BAZ2B: variants seen among roughly 807,000 people sequenced by gnomAD.
BAZ2B encodes bromodomain adjacent to zinc finger domain protein 2B.
Under a neutral mutation model 246.0 loss-of-function variants are expected in BAZ2B, and 91 were observed. That is an observed-to-expected ratio of 0.37 (90% confidence interval 0.31 to 0.44). The LOEUF is 0.44. Ranked by LOEUF, BAZ2B falls within the 20% of genes least tolerant of loss-of-function variation. The pLI, the probability that BAZ2B is intolerant of heterozygous loss-of-function variation, is 1.00. For missense variants in BAZ2B, 2,332 were observed against 2,533.7 expected (o/e 0.92, Z 1.71); for synonymous variants, 855 against 860.0 (o/e 0.99, Z 0.10).
chr2:159,337,887 A>G, intron 31 of BAZ2B, 115 bp from the exon 32 acceptor site: 6 of 1,011,886 alleles, frequency 5.9e-6, no homozygotes, highest in Non-Finnish European at 8.4e-6. Context: ...ATTGTTACTA[A>G]AAGATTTTAC....
chr2:159,324,412 C>G (rs1156930306), intron 36 of BAZ2B, among the ~76,000 whole-genome samples: 1 of 152,016 alleles, frequency 6.6e-6, no homozygotes, highest in Non-Finnish European at 1.5e-5. Flanking sequence ...TTTGTTAAAT[C>G]CATATGACGT....
At chr2:159,676,647 G>A in the BAZ2B span, among the ~76,000 whole-genome samples, 9 of 132,636 alleles carry the variant, frequency 6.8e-5, no homozygotes, top group South Asian at 2.6e-4. Context: ...GTATCTAAAT[G>A]CACACACACA....
At chr2:159,654,638 T>C in the BAZ2B span, among the ~76,000 whole-genome samples, 8 of 151,878 alleles carry the variant, frequency 5.3e-5, no homozygotes, top group Non-Finnish European at 1.2e-4. Context: ...ACTTACTAAG[T>C]ATGTAGGAAA....
intron 24 of BAZ2B, 143 bp from the exon 25 acceptor site, chr2:159,382,945 A>G (rs1182914619): frequency 8.7e-7 from 1 of 1,152,150 alleles, no homozygotes. Context: ...AAAAAATTAG[A>G]ATTAGGAAAC....
At chr2:159,424,796 G>C in intron 13 of BAZ2B, among the ~76,000 whole-genome samples, 1 of 152,090 alleles carries the variant, frequency 6.6e-6, no homozygotes, top group East Asian at 1.9e-4. Context: ...ATCATCACCA[G>C]ATTACTTATA....
the BAZ2B span, among the ~76,000 whole-genome samples, chr2:159,630,594 C>T: frequency 6.6e-5 from 10 of 150,408 alleles, no homozygotes; most frequent in Admixed American, 1.3e-4. Context: ...AGTGCAGTGG[C>T]GCAATCTCGG....
chr2:159,385,310 G>A lies in BAZ2B; in HGVS notation c.3531C>T (p.Ser1177=), dbSNP rs1181439698. ...CTTCCATAAATATCTGTAAAATCTCGGAAACATTGTCTCGATTCACACCAA... is the reference window on the plus strand; with the variant it reads ...CTTCCATAAATATCTGTAAAATCTCAGAAACATTGTCTCGATTCACACCAA... ...LNVGVNRDNV[S]EILQIFMEAH... Residue 1177 remains serine (S), a synonymous_variant, in exon 23 of 37, where the codon TCC becomes TCT. Transcript: ENST00000392783. The A allele has an allele frequency of 5.0e-6, 8 of 1,613,104 alleles. No homozygotes were observed. Among genetic ancestry groups the A allele is most frequent in the East Asian group, 2.2e-5 (1 of 44,856 alleles).
At chr2:159,501,156 A>AT (rs1559628801) in intron 2 of BAZ2B, among the ~76,000 whole-genome samples, 73 of 31,582 alleles carry the variant, frequency 2.3e-3, no homozygotes, top group Admixed American at 4.9e-3. Flanking sequence ...TATAATATAT[A>AT]TAAATATATA....
intron 2 of BAZ2B, among the ~76,000 whole-genome samples, chr2:159,549,774 T>TA (rs201877310): frequency 0.013 from 1,758 of 132,722 alleles, 34 homozygotes; most frequent in Middle Eastern, 0.051. Flanking sequence ...GTGAGATGTT[T>TA]AAAAAAAAAA....
At chr2:159,353,014 T>C (rs2058720588) in intron 27 of BAZ2B, among the ~76,000 whole-genome samples, 1 of 152,218 alleles carries the variant, frequency 6.6e-6, no homozygotes. Context: ...TATTCCTTGA[T>C]AACGAAATAA....
chr2:159,599,733 G>A (rs965322141), intron 1 of BAZ2B, among the ~76,000 whole-genome samples: 3 of 151,906 alleles, frequency 2.0e-5, no homozygotes, highest in Non-Finnish European at 2.9e-5. Flanking sequence ...TTAGGAGATC[G>A]AGGCCATCCT....
At chr2:159,555,549 A>C (rs2088997063) in intron 2 of BAZ2B, 1 of 152,234 alleles carries the variant, frequency 6.6e-6, no homozygotes, top group Non-Finnish European at 1.5e-5. Context: ...AATTTAAGTC[A>C]CACTGAAATA....
intron 2 of BAZ2B, among the ~76,000 whole-genome samples, chr2:159,506,449 G>T (rs1329433385): frequency 2.6e-5 from 4 of 152,136 alleles, no homozygotes; most frequent in African/African-American, 9.7e-5. Flanking sequence ...TTAACAAGCA[G>T]ATTTGAACAT....
At chr2:159,606,440 T>A (rs749589631) in intron 1 of BAZ2B, among the ~76,000 whole-genome samples, 1 of 152,326 alleles carries the variant, frequency 6.6e-6, no homozygotes, top group South Asian at 2.1e-4. Flanking sequence ...ATGTTGAAGA[T>A]AGGTTTTGGT....
chr2:159,381,304 A>T (rs1001272175), intron 25 of BAZ2B, among the ~76,000 whole-genome samples: 2 of 152,150 alleles, frequency 1.3e-5, no homozygotes, highest in Non-Finnish European at 2.9e-5. Context: ...AAACTCAGCA[A>T]GTCCAAAAAT....
chr2:159,532,002 A>G (rs2085428032), intron 2 of BAZ2B, among the ~76,000 whole-genome samples: 1 of 152,208 alleles, frequency 6.6e-6, no homozygotes, highest in Admixed American at 6.5e-5. Context: ...AAAACCTAAA[A>G]TGACTTTAGT....
chr2:159,623,861 T>C, the BAZ2B span, among the ~76,000 whole-genome samples: 82 of 152,306 alleles, frequency 5.4e-4, no homozygotes, highest in African/African-American at 1.9e-3. Context: ...ATGGTTGAAT[T>C]AATTATGGAA....
chr2:159,594,616 G>A (rs1236575377), intron 1 of BAZ2B, among the ~76,000 whole-genome samples: 4 of 143,698 alleles, frequency 2.8e-5, no homozygotes, highest in Non-Finnish European at 6.0e-5. Context: ...CAAGTAAATT[G>A]AGTCATTATT....
At chr2:159,468,165 T>C (rs975596690) in intron 3 of BAZ2B, among the ~76,000 whole-genome samples, 15 of 152,176 alleles carry the variant, frequency 9.9e-5, no homozygotes, top group Non-Finnish European at 7.3e-5. Context: ...GAGCTGTATA[T>C]AGCAGATCTG....
Sources: allele counts gnomAD v4.1 joint callset (sites outside exome capture counted in the v4.1 genomes callset), GRCh38; gene constraint gnomAD v4.1.1; transcripts MANE v1.5; gene names NCBI Gene and HGNC (gene_info 2026-07-23, HGNC 2026-07-21).